The following C1orf50 variants were observed in gnomAD, a reference collection of about 807,000 sequenced individuals.
C1orf50 encodes chromosome 1 open reading frame 50.
In C1orf50, 22 loss-of-function variants were observed where a neutral mutation model predicts 23.3. That is an observed-to-expected ratio of 0.94 (90% CI 0.67 to 1.35). The LOEUF is 1.35. C1orf50 is among the 40% of genes most tolerant of loss of function. The pLI is 0.00. For missense variants in C1orf50, 271 were observed against 249.4 expected (o/e 1.09, Z -0.58); for synonymous variants, 96 against 102.4 (o/e 0.94, Z 0.38).
chr1:42,779,377 A>C lies in C1orf50; in HGVS notation c.*3983A>C, dbSNP rs200770785. ...GGGCAACAGAGCAAGACTCCATCTC[A>C]AAAAAAAAAAAAAAAGAATCATAAC... On this transcript the variant is annotated 3_prime_UTR_variant, in exon 5 of 5. Transcript: ENST00000372525. 2 of 764 alleles carry C rather than the reference A, an allele frequency of 2.6e-3. 1 individual carries two copies. Among genetic ancestry groups the C allele is most frequent in the African/African-American group, 9.2e-3 (2 of 218 alleles). The allele number at this position is 764 out of a possible 1,614,324, so 0.0% of individuals were successfully genotyped here. A position where few individuals can be genotyped will look rare whatever the true frequency, so the allele number is the denominator to read the frequency against.
At chr1:42,773,324 T>TA in intron 2 of C1orf50, 1 of 343,034 alleles carries the variant, frequency 2.9e-6, no homozygotes. Context: ...GGTGGAAAGC[T>TA]ATGGGAAATA....
chr1:42,769,210 T>C (rs956446732), intron 2 of C1orf50, among the ~76,000 whole-genome samples: 2 of 151,848 alleles, frequency 1.3e-5, no homozygotes, highest in East Asian at 1.9e-4. Flanking sequence ...ATCGCACCAC[T>C]GTACTCCAGA....
chr1:42,771,797 G>A (rs1356809796), intron 2 of C1orf50, among the ~76,000 whole-genome samples: 1 of 152,020 alleles, frequency 6.6e-6, no homozygotes, highest in African/African-American at 2.4e-5. Context: ...GGCAAACATG[G>A]CAAAACCCCA....
chr1:42,767,438 G>A lies in C1orf50; in HGVS notation c.79+48G>A, dbSNP rs72956950. Reference sequence around the variant, plus strand: ...GGGGGAAGTCAGCTCCCGCGAGGCAGCCGGTCTCGGGGCTCCGCGGGAGGC... The same window carrying A: ...GGGGGAAGTCAGCTCCCGCGAGGCAACCGGTCTCGGGGCTCCGCGGGAGGC... On this transcript the variant is annotated intron_variant, in intron 1 of 4. Coordinates refer to ENST00000372525, the MANE Select transcript of C1orf50 (RefSeq NM_024097.4). 1,701 of 1,553,012 alleles carry A rather than the reference G, an allele frequency of 1.1e-3. 22 individuals carry two copies. The African/African-American group carries it at 0.022, about 20-fold the overall frequency.
rs1423803910 is a variant in C1orf50 at position 42,767,563 on chromosome 1, A to G, written c.134A>G (p.Tyr45Cys). Residue 45 changes from tyrosine (Y) to cysteine (C), a missense_variant, in exon 2 of 5, where the codon TAC (tyrosine) becomes TGC (cysteine). By Grantham distance (194) the Tyr-to-Cys change is radical. Transcript: ENST00000372525. ...TPGGLALVSP[Y>C]HTHRAGDPLD... ...GGCGGCCTGGCCCTGGTGAGCCCCT[A>G]CCACACCCACCGGGCCGGGGACCCC... 6.2e-7 allele frequency: 1 copy of G among 1,610,666 alleles called. No individual in the cohort carries two copies.
intron 3 of C1orf50, among the ~76,000 whole-genome samples, chr1:42,774,135 G>T (rs983136428): frequency 6.6e-6 from 1 of 152,182 alleles, no homozygotes; most frequent in Admixed American, 6.5e-5. Flanking sequence ...TTTAACAGGG[G>T]ATTATGTTTT....
chr1:42,775,030 T>C (rs1197487024), intron 4 of C1orf50, among the ~76,000 whole-genome samples, 162 bp downstream of exon 4: 1 of 152,226 alleles, frequency 6.6e-6, no homozygotes, highest in African/African-American at 2.4e-5. Flanking sequence ...GTGCTTAAAT[T>C]ATTTCACTCA....
At chr1:42,767,657 A>G (rs367587710) in intron 2 of C1orf50, 33 bp downstream of exon 2, 5 of 1,556,320 alleles carry the variant, frequency 3.2e-6, no homozygotes, top group Non-Finnish European at 3.5e-6. Context: ...GCGAATAACC[A>G]TCTTCGTTCA....
chr1:42,775,288 A>T lies in C1orf50; in HGVS notation c.494A>T (p.Asp165Val), dbSNP rs1294448454. The T allele has an allele frequency of 6.2e-7, 1 of 1,613,280 alleles. No homozygotes were observed. The highest frequency in any genetic ancestry group is 8.5e-7 in the Non-Finnish European group (1 of 1,179,390). Residue 165 changes from aspartate (D) to valine (V), a missense_variant, in exon 5 of 5, where the codon GAC becomes GTC. Coordinates refer to ENST00000372525, the MANE Select transcript of C1orf50 (RefSeq NM_024097.4). ...QHDLSWTPYEDIEKQDAKISM... is the reference protein window; with the variant it reads ...QHDLSWTPYEVIEKQDAKISM... ...GACTTGTCCTGGACTCCGTATGAGG[A>T]CATTGAGAAGCAAGATGCTAAAATC...
At position 42,767,518 on chromosome 1, in the gene C1orf50, T is replaced by G. The variant is rs28707133; in HGVS notation, c.89T>G (p.Val30Gly). ...TGGGTGTGTGTCGCAGGAGCCCTGGTGGAGCTCACCCCGACCCCCGGCGGC... is the reference window on the plus strand; with the variant it reads ...TGGGTGTGTGTCGCAGGAGCCCTGGGGGAGCTCACCCCGACCCCCGGCGGC... ...PPAAGQGGAL[V>G]ELTPTPGGLA... Residue 30 changes from valine (V) to glycine (G), a missense_variant, in exon 2 of 5, where the codon GTG becomes GGG. Physicochemically the swap from Val to Gly is moderately radical, Grantham distance 109 (BLOSUM62 -3). Transcript: ENST00000372525. 6.3e-7 allele frequency: 1 copy of G among 1,577,172 alleles called. No homozygotes were observed. The highest frequency in any genetic ancestry group is 8.6e-7 in the Non-Finnish European group (1 of 1,161,962).
chr1:42,775,392 TGA>T lies in C1orf50; in HGVS notation c.*2_*3del. 1 of 1,582,162 alleles carries T rather than the reference TGA, an allele frequency of 6.3e-7. No individual in the cohort carries two copies. Among genetic ancestry groups the T allele is most frequent in the Admixed American group, 1.7e-5 (1 of 59,626 alleles). On this transcript the variant is annotated frameshift_variant and stop_lost, in exon 5 of 5. Transcript: ENST00000372525. LOFTEE classifies it high-confidence loss of function. Reference protein sequence around the residue: ...TEPNFQGLTH* With the variant: ...TEPNFQGLTHX ...ACCCAACTTCCAGGGACTGACTCAC[TGA>T]GAGTGGGCTTTGACAAACAGCTCTC...
At chr1:42,774,705 T>C in intron 3 of C1orf50, 32 bp from the exon 4 acceptor site, 1 of 1,581,932 alleles carries the variant, frequency 6.3e-7, no homozygotes, top group Non-Finnish European at 8.6e-7. Context: ...TTATCTCCAA[T>C]ACCTAATTTG....
At chr1:42,770,906 G>A (rs879020638) in intron 2 of C1orf50, among the ~76,000 whole-genome samples, 1 of 151,638 alleles carries the variant, frequency 6.6e-6, no homozygotes, top group South Asian at 2.1e-4. Flanking sequence ...TTTCATGGTC[G>A]GTCCTCTCCT....
chr1:42,768,789 G>T (rs1557583382), intron 2 of C1orf50, among the ~76,000 whole-genome samples: 2 of 152,004 alleles, frequency 1.3e-5, no homozygotes, highest in East Asian at 3.9e-4. Context: ...TGTTTATTAC[G>T]ATGGCCTGAA....
chr1:42,769,997 C>T (rs897508701), intron 2 of C1orf50, among the ~76,000 whole-genome samples: 8 of 152,158 alleles, frequency 5.3e-5, no homozygotes, highest in Non-Finnish European at 8.8e-5. Flanking sequence ...CAGGTTGCCT[C>T]ATGTCTGTGA....
At chr1:42,768,072 T>C (rs1653125217) in intron 2 of C1orf50, among the ~76,000 whole-genome samples, 1 of 152,212 alleles carries the variant, frequency 6.6e-6, no homozygotes, top group South Asian at 2.1e-4. Flanking sequence ...AGTTTAGTCC[T>C]CATTAAACAC....
In C1orf50 at chr1:42,776,667, G is replaced by C. The variant is rs1360503148; in HGVS notation, c.*1273G>C. ...GGCTAGAATCTAACAAACTCACTCC[G>C]ATGATACTTGGTTGCTCGGTTCACA... On this transcript the variant is annotated 3_prime_UTR_variant, in exon 5 of 5. Coordinates refer to ENST00000372525, the MANE Select transcript of C1orf50 (RefSeq NM_024097.4). 1 of 152,236 alleles carries C rather than the reference G, an allele frequency of 6.6e-6. No individual in the cohort carries two copies. Among genetic ancestry groups the C allele is most frequent in the Non-Finnish European group, 1.5e-5 (1 of 68,058 alleles). 9.4% of individuals were successfully genotyped at this position (152,236 alleles called of 1,614,324 possible). A position where few individuals can be genotyped will look rare whatever the true frequency, so the allele number is the denominator to read the frequency against.
Position 42,767,550 on chromosome 1 carries a change from C to T in C1orf50, c.121C>T (p.Leu41=). 1 of 1,607,074 alleles carries T rather than the reference C, an allele frequency of 6.2e-7. No individual in the cohort carries two copies. Among genetic ancestry groups the T allele is most frequent in the Non-Finnish European group, 8.5e-7 (1 of 1,177,604 alleles). The change falls in exon 2 of 5, where the codon CTG becomes TTG. Residue 41 remains leucine (L), a synonymous_variant. Coordinates refer to ENST00000372525, the MANE Select transcript of C1orf50 (RefSeq NM_024097.4). ...ELTPTPGGLA[L]VSPYHTHRAG... ...CACCCCGACCCCCGGCGGCCTGGCC[C>T]TGGTGAGCCCCTACCACACCCACCG...
intron 2 of C1orf50, among the ~76,000 whole-genome samples, chr1:42,770,492 G>A (rs982749387): frequency 2.2e-4 from 33 of 151,508 alleles, no homozygotes; most frequent in Non-Finnish European, 4.7e-4. Flanking sequence ...GAGTGCAATG[G>A]CGCCATCTTG....
Sources: gnomAD v4.1 joint callset for allele counts (sites outside exome capture counted in the v4.1 genomes callset) on GRCh38, gnomAD v4.1.1 for gene constraint, MANE v1.5 for transcripts, NCBI Gene and HGNC (gene_info 2026-07-23, HGNC 2026-07-21) for gene names.